Variants in JAK2 observed in about 807,000 individuals in gnomAD.
JAK2 encodes tyrosine-protein kinase JAK2.
Under a neutral mutation model 139.3 loss-of-function variants are expected in JAK2, and 86 were observed. That is an observed-to-expected ratio of 0.62 (90% CI 0.52 to 0.74). The LOEUF (loss-of-function observed/expected upper bound fraction) is 0.74. Among genes scored for constraint, JAK2 ranks in the 30% least tolerant of loss-of-function variants. The pLI, the probability that JAK2 is intolerant of heterozygous loss-of-function variation, is 0.00. For synonymous variants in JAK2, 490 were observed against 437.7 expected, an observed-to-expected ratio of 1.12 and a Z score of -1.49; for missense variants, 1,421 against 1,360.3, an observed-to-expected ratio of 1.04 and a Z score of -0.70.
chr9:5,021,651 G>A (rs953101209), intron 2 of JAK2, among the ~76,000 whole-genome samples: 4 of 152,156 alleles, frequency 2.6e-5, no homozygotes, highest in African/African-American at 7.2e-5. Flanking sequence ...TTTTGAGACA[G>A]GGTCTTGCTG....
At chr9:5,033,731 C>T (rs1249352946) in intron 4 of JAK2, among the ~76,000 whole-genome samples, 2 of 152,146 alleles carry the variant, frequency 1.3e-5, no homozygotes, top group African/African-American at 4.8e-5. Flanking sequence ...AAAAGAGCTC[C>T]TGAAGGAAGC....
intron 22 of JAK2, chr9:5,107,888 T>TA (rs1822100399): frequency 6.6e-6 from 1 of 152,168 alleles, no homozygotes; most frequent in African/African-American, 2.4e-5. Context: ...CTCCAACACA[T>TA]ACGGCCTAGA....
intron 4 of JAK2, among the ~76,000 whole-genome samples, chr9:5,033,624 C>A (rs977730669): frequency 3.3e-5 from 5 of 152,188 alleles, no homozygotes; most frequent in South Asian, 2.1e-4. Flanking sequence ...CCCAGAATGT[C>A]ATATCCAGCC....
chr9:5,103,182 A>G (rs1391678206), intron 22 of JAK2, among the ~76,000 whole-genome samples: 1 of 147,826 alleles, frequency 6.8e-6, no homozygotes, highest in East Asian at 2.0e-4. Flanking sequence ...TGGGCTCAAA[A>G]TAAAGGGATG....
intron 2 of JAK2, among the ~76,000 whole-genome samples, chr9:5,018,745 T>C (rs1822228019): frequency 6.6e-6 from 1 of 152,224 alleles, no homozygotes; most frequent in South Asian, 2.1e-4. Flanking sequence ...AGAAAAACTA[T>C]TTTTCCTTTG....
chr9:5,032,426 C>A (rs769080364), intron 4 of JAK2, among the ~76,000 whole-genome samples: 3 of 152,222 alleles, frequency 2.0e-5, no homozygotes, highest in Non-Finnish European at 2.9e-5. Flanking sequence ...AGCTGGAGAT[C>A]TGAGAACGGA....
Position 5,064,070 on chromosome 9 carries a change from C to T in JAK2, c.1057-813C>T, listed in dbSNP as rs554224515. Among the ~76,000 whole-genome samples, 8 of 152,226 alleles carry T rather than the reference C, an allele frequency of 5.3e-5. 1 individual carries two copies. The highest frequency in any genetic ancestry group is 2.1e-4 in the South Asian group (1 of 4,830). ...TTTTGGGAGACTGAGACAGGAGAAT[C>T]GCTTGAACCCAGGAGGCAGAAGTTG... On this transcript the variant is annotated intron_variant, in intron 8 of 24. Transcript: ENST00000381652.
chr9:5,030,943 A>C (rs1156988715), intron 4 of JAK2, among the ~76,000 whole-genome samples: 1 of 152,194 alleles, frequency 6.6e-6, no homozygotes, highest in Admixed American at 6.5e-5. Flanking sequence ...CAGCATTCTT[A>C]TATGCAAGCA....
chr9:5,008,968 T>C (rs1587819628), intron 2 of JAK2, among the ~76,000 whole-genome samples: 1 of 152,208 alleles, frequency 6.6e-6, no homozygotes, highest in Non-Finnish European at 1.5e-5. Context: ...CTTGACTGTC[T>C]TCCAAATTAT....
At chr9:5,111,007 G>C in intron 22 of JAK2, 1 of 728,050 alleles carries the variant, frequency 1.4e-6, no homozygotes, top group Admixed American at 2.1e-5. Flanking sequence ...CGTTGCCAAC[G>C]GGAAGGGCCG....
At chr9:5,124,668 C>G (rs1043015034) in intron 23 of JAK2, among the ~76,000 whole-genome samples, 131 of 151,924 alleles carry the variant, frequency 8.6e-4, no homozygotes, top group African/African-American at 3.0e-3. Flanking sequence ...TATTATAAGG[C>G]TACAGTAACC....
chr9:5,112,032 G>A (rs1242700763), intron 22 of JAK2: 5 of 408,350 alleles, frequency 1.2e-5, no homozygotes, highest in Admixed American at 1.1e-4. Context: ...AGTCCCTGGT[G>A]CCTTATCACC....
At chr9:5,020,198 C>A (rs1822323039) in intron 2 of JAK2, among the ~76,000 whole-genome samples, 2 of 152,092 alleles carry the variant, frequency 1.3e-5, no homozygotes, top group African/African-American at 4.8e-5. Flanking sequence ...GTAGGCAAGT[C>A]CTAAAACCTG....
chr9:5,041,948 ATCT>A lies in JAK2; in HGVS notation c.351-2451_351-2449del, dbSNP rs1003729884. ...AAATGCTGCTGTTTCTTCCCCCTGA[ATCT>A]TCTCCGTGCGGCCCCTTGGGGAGCG... is the stretch of plus-strand genomic sequence containing the variant. On this transcript the variant is annotated intron_variant, in intron 4 of 24. Transcript: ENST00000381652. The A allele has an allele frequency of 7.3e-5, 28 of 381,510 alleles. No individual in the cohort carries two copies. The East Asian group carries it at 1.6e-3, about 22-fold the overall frequency. The allele number at this position is 381,510 out of a possible 1,614,324, so 23.6% of individuals were successfully genotyped here.
At chr9:5,083,503 C>G (rs1199416991) in intron 19 of JAK2, among the ~76,000 whole-genome samples, 1 of 152,142 alleles carries the variant, frequency 6.6e-6, no homozygotes, top group Non-Finnish European at 1.5e-5. Context: ...TTTCTGGGAA[C>G]TTATAGCATT....
chr9:5,095,780 A>G (rs1820940165), intron 22 of JAK2, among the ~76,000 whole-genome samples: 2 of 152,216 alleles, frequency 1.3e-5, no homozygotes, highest in African/African-American at 2.4e-5. Flanking sequence ...TCAATTACTC[A>G]TATAGGTTGA....
intron 22 of JAK2, 200 bp downstream of exon 22, chr9:5,091,111 C>CTAT: frequency 4.6e-6 from 2 of 439,068 alleles, no homozygotes; most frequent in Non-Finnish European, 8.0e-6. Context: ...TGCTTTATTT[C>CTAT]TATTAAGTGT....
chr9:5,080,157 A>G (rs1298075983), intron 16 of JAK2, 72 bp from the exon 17 acceptor site: 1 of 1,170,622 alleles, frequency 8.5e-7, no homozygotes, highest in African/African-American at 1.5e-5. Context: ...TTGAACTTTA[A>G]AGCTATTTAC....
chr9:5,086,227 A>G, intron 19 of JAK2: 1 of 610,176 alleles, frequency 1.6e-6, no homozygotes, highest in Non-Finnish European at 2.1e-6. Flanking sequence ...CCACGGTCGG[A>G]GTCTGAAAGT....
Sources: gnomAD v4.1 joint callset for allele counts (sites outside exome capture counted in the v4.1 genomes callset) on GRCh38, gnomAD v4.1.1 for gene constraint, MANE v1.5 for transcripts, NCBI Gene and HGNC (gene_info 2026-07-23, HGNC 2026-07-21) for gene names.